The following BMERB1 variants were observed in gnomAD, a reference collection of about 807,000 sequenced individuals.
BMERB1 encodes the protein bMERB domain-containing protein 1.
A neutral mutation model predicts 23.6 loss-of-function variants in BMERB1; 12 were observed. The ratio of observed to expected loss-of-function variants is 0.51; its 90% CI spans 0.33 to 0.82. The LOEUF is 0.82. BMERB1 is among the 40% of genes least tolerant of loss of function. The pLI is 0.03. For missense variants in BMERB1, 247 were observed against 255.4 expected (o/e 0.97, Z 0.22); for synonymous variants, 122 against 96.6 (o/e 1.26, Z -1.54).
In BMERB1 at chr16:15,446,968, C is replaced by A. The variant is rs140238096; in HGVS notation, c.106+12209C>A. ...GAATGATCAAGAAGGATTTCTAGGTCAATATAGGGGCATATTACTGTAACG... is the reference window on the plus strand; with the variant it reads ...GAATGATCAAGAAGGATTTCTAGGTAAATATAGGGGCATATTACTGTAACG... On this transcript the variant is annotated intron_variant, in intron 1 of 5. Transcript: ENST00000300006. Among the ~76,000 whole-genome samples, 315 of 152,252 alleles carry A rather than the reference C, an allele frequency of 2.1e-3. 3 individuals carry two copies. The highest frequency in any genetic ancestry group is 4.4e-3 in the Admixed American group (68 of 15,284).
intron 1 of BMERB1, among the ~76,000 whole-genome samples, chr16:15,444,130 T>TTTTTTTTTTG (rs2050968393): frequency 9.0e-6 from 1 of 111,196 alleles, no homozygotes; most frequent in East Asian, 2.5e-4. Flanking sequence ...TTTGTTTTTT[T>TTTTTTTTTTG]TTTTTTTTTT....
intron 1 of BMERB1, among the ~76,000 whole-genome samples, chr16:15,491,152 G>A (rs961820935): frequency 6.6e-6 from 1 of 151,842 alleles, no homozygotes; most frequent in Non-Finnish European, 1.5e-5. Flanking sequence ...GCCCAGTCCA[G>A]TAGTGCATTT....
intron 1 of BMERB1, among the ~76,000 whole-genome samples, chr16:15,442,823 A>T (rs998349541): frequency 6.6e-6 from 1 of 152,114 alleles, no homozygotes; most frequent in Non-Finnish European, 1.5e-5. Flanking sequence ...CTGCCTCTGG[A>T]TGTTCCTATC....
At chr16:15,569,945 A>G (rs1001317007) in intron 3 of BMERB1, among the ~76,000 whole-genome samples, 3 of 152,200 alleles carry the variant, frequency 2.0e-5, no homozygotes, top group African/African-American at 7.2e-5. Flanking sequence ...GGAAAAGGTT[A>G]TAATCATTTA....
chr16:15,486,443 G>A (rs2051369489), intron 1 of BMERB1, among the ~76,000 whole-genome samples: 1 of 152,122 alleles, frequency 6.6e-6, no homozygotes, highest in Admixed American at 6.6e-5. Context: ...TTTTCTCCAT[G>A]TCTCCTCTAT....
intron 2 of BMERB1, among the ~76,000 whole-genome samples, chr16:15,566,836 T>C (rs1030244998): frequency 1.3e-5 from 2 of 152,070 alleles, no homozygotes; most frequent in African/African-American, 2.4e-5. Context: ...CAAAAAATTT[T>C]TGTGCAATAA....
At chr16:15,463,269 A>ATATATATATATATTTTTTT (rs1180090455) in intron 1 of BMERB1, among the ~76,000 whole-genome samples, 1 of 148,530 alleles carries the variant, frequency 6.7e-6, no homozygotes, top group African/African-American at 2.6e-5. Context: ...ATATATATAT[A>ATATATATATATATTTTTTT]TTTTGTAGAG....
chr16:15,526,964 TATATTTTA>T (rs2051914060), intron 2 of BMERB1, among the ~76,000 whole-genome samples: 1 of 147,514 alleles, frequency 6.8e-6, no homozygotes. Context: ...CATATTTTAT[TATATTTTA>T]TTATTATTAT....
intron 3 of BMERB1, among the ~76,000 whole-genome samples, chr16:15,575,019 C>A (rs528423452): frequency 3.3e-5 from 5 of 152,236 alleles, no homozygotes; most frequent in African/African-American, 1.2e-4. Flanking sequence ...AGGGGGGTTG[C>A]AGTGAGCCAA....
intron 2 of BMERB1, among the ~76,000 whole-genome samples, chr16:15,547,366 A>G (rs1196433628): frequency 1.6e-5 from 2 of 123,158 alleles, no homozygotes; most frequent in African/African-American, 6.3e-5. Context: ...TTAGTGACAG[A>G]GTTTTGCTCT....
chr16:15,518,159 C>T (rs2051797602), intron 2 of BMERB1, among the ~76,000 whole-genome samples: 1 of 152,150 alleles, frequency 6.6e-6, no homozygotes. Context: ...AAGCTCTTGA[C>T]TTGTGATCTC....
chr16:15,554,920 C>A (rs550495171), intron 2 of BMERB1, among the ~76,000 whole-genome samples: 44 of 152,230 alleles, frequency 2.9e-4, no homozygotes, highest in African/African-American at 9.9e-4. Context: ...CCCGCCTCGG[C>A]CTCCCAAAGT....
chr16:15,547,289 C>T (rs552962043), intron 2 of BMERB1, among the ~76,000 whole-genome samples: 1 of 150,516 alleles, frequency 6.6e-6, no homozygotes, highest in Admixed American at 6.6e-5. Flanking sequence ...TGGGATTGTA[C>T]AGGCATGAGC....
chr16:15,504,524 T>A (rs1376485951), intron 1 of BMERB1, among the ~76,000 whole-genome samples: 1 of 151,898 alleles, frequency 6.6e-6, no homozygotes, highest in Non-Finnish European at 1.5e-5. Context: ...CATAGATCAC[T>A]GAAGCCCTCA....
At chr16:15,547,738 C>T (rs926990695) in intron 2 of BMERB1, among the ~76,000 whole-genome samples, 3 of 152,194 alleles carry the variant, frequency 2.0e-5, no homozygotes, top group Non-Finnish European at 4.4e-5. Flanking sequence ...ACCTGCCACA[C>T]AATGAAGGAG....
At chr16:15,436,768 A>G (rs2150919107) in intron 1 of BMERB1, among the ~76,000 whole-genome samples, 1 of 152,134 alleles carries the variant, frequency 6.6e-6, no homozygotes, top group African/African-American at 2.4e-5. Context: ...TTACAAGCTC[A>G]AAATAATCTC....
intron 2 of BMERB1, among the ~76,000 whole-genome samples, chr16:15,530,454 G>A (rs2051956215): frequency 6.6e-6 from 1 of 152,182 alleles, no homozygotes; most frequent in African/African-American, 2.4e-5. Context: ...TGTTGTCCAG[G>A]CTGGAGTGCA....
chr16:15,526,704 C>T (rs111906461), intron 2 of BMERB1, among the ~76,000 whole-genome samples: 2 of 148,964 alleles, frequency 1.3e-5, no homozygotes, highest in East Asian at 1.9e-4. Flanking sequence ...ATAATTGTTC[C>T]GGGCTTCATA....
chr16:15,549,918 G>C (rs2030035261), intron 2 of BMERB1, among the ~76,000 whole-genome samples: 1 of 151,202 alleles, frequency 6.6e-6, no homozygotes, highest in Non-Finnish European at 1.5e-5. Flanking sequence ...TTCTCTTATT[G>C]CTTCTATCCT....
Sources: gnomAD v4.1 joint callset for allele counts (sites outside exome capture counted in the v4.1 genomes callset) on GRCh38, gnomAD v4.1.1 for gene constraint, MANE v1.5 for transcripts, NCBI Gene and HGNC (gene_info 2026-07-23, HGNC 2026-07-21) for gene names.